KCNT2: variants seen among roughly 807,000 people sequenced by gnomAD.
KCNT2 encodes the protein potassium sodium-activated channel subfamily T member 2, also known as potassium channel subfamily T member 2.
KCNT2 carries 67 observed loss-of-function variants against 153.8 expected under a neutral mutation model. The observed-to-expected ratio is 0.44, with a 90% confidence interval of 0.36 to 0.53. The LOEUF (loss-of-function observed/expected upper bound fraction) is 0.53, where lower values mean the gene tolerates loss of function less well. Ranked by LOEUF, KCNT2 falls within the 20% of genes least tolerant of loss-of-function variation. The pLI, the probability that KCNT2 is intolerant of heterozygous loss-of-function variation, is 0.00. For missense variants in KCNT2, 975 were observed against 1,354.8 expected (o/e 0.72, Z 4.40); for synonymous variants, 500 against 458.8 (o/e 1.09, Z -1.15).
intron 17 of KCNT2, 91 bp from the exon 18 acceptor site, chr1:196,331,352 A>G (rs1664440897): frequency 2.7e-6 from 2 of 753,860 alleles, no homozygotes; most frequent in Non-Finnish European, 4.8e-6. Flanking sequence ...TAATAACATT[A>G]TAATCAATAC....
chr1:196,390,960 T>G (rs1670440048), intron 13 of KCNT2, among the ~76,000 whole-genome samples: 1 of 149,926 alleles, frequency 6.7e-6, no homozygotes. Context: ...CAATTACTTC[T>G]GGGATAGGGA....
intron 22 of KCNT2, among the ~76,000 whole-genome samples, chr1:196,299,501 T>A (rs909649989): frequency 2.6e-5 from 4 of 152,100 alleles, no homozygotes; most frequent in Non-Finnish European, 5.9e-5. Context: ...ATGCTCAACA[T>A]TACTAATCAT....
rs1318859712 is a variant in KCNT2, at chr1:196,342,180, G to A, written c.1452C>T (p.Cys484=). ...CAATGTGGTAGACTTCATTCCCGGA[G>A]CATCTACCGTACATCTTCTGCCATT... ...PEQWQKMYGR[C]SGNEVYHIVL... The change falls in exon 15 of 28, where the codon TGC becomes TGT. Residue 484 remains cysteine, a synonymous_variant. Coordinates refer to ENST00000294725, the MANE Select transcript of KCNT2 (RefSeq NM_198503.5). 3 of 1,611,438 alleles carry A rather than the reference G, an allele frequency of 1.9e-6. No homozygotes were observed. The highest frequency in any genetic ancestry group is 2.5e-6 in the Non-Finnish European group (3 of 1,179,000).
chr1:196,401,824 T>C (rs1484480412), intron 12 of KCNT2, among the ~76,000 whole-genome samples: 1 of 151,642 alleles, frequency 6.6e-6, no homozygotes, highest in East Asian at 1.9e-4. Context: ...CATACACTTA[T>C]AAGTTCAAGA....
At chr1:196,254,334 A>G (rs567083773) in intron 26 of KCNT2, among the ~76,000 whole-genome samples, 4 of 151,550 alleles carry the variant, frequency 2.6e-5, no homozygotes, top group South Asian at 4.1e-4. Context: ...ATACACACAC[A>G]CTCATTTATA....
intron 1 of KCNT2, among the ~76,000 whole-genome samples, chr1:196,506,585 C>T (rs1466610350): frequency 6.6e-6 from 1 of 152,142 alleles, no homozygotes; most frequent in Non-Finnish European, 1.5e-5. Context: ...AGACTTGCTT[C>T]AAAGCCCTCA....
At chr1:196,601,047 C>T (rs1452409191) in intron 1 of KCNT2, among the ~76,000 whole-genome samples, 1 of 152,192 alleles carries the variant, frequency 6.6e-6, no homozygotes, top group Non-Finnish European at 1.5e-5. Context: ...ACATGTAAAG[C>T]CTAGTTTGGT....
At chr1:196,510,584 T>C (rs769196937) in intron 1 of KCNT2, among the ~76,000 whole-genome samples, 2 of 152,180 alleles carry the variant, frequency 1.3e-5, no homozygotes, top group Non-Finnish European at 2.9e-5. Flanking sequence ...CAAGAAACAA[T>C]GGTTAACAAT....
At chr1:196,437,281 AAATATATAT>A (rs1674791131) in intron 8 of KCNT2, among the ~76,000 whole-genome samples, 1 of 79,418 alleles carries the variant, frequency 1.3e-5, no homozygotes, top group African/African-American at 3.3e-5. Context: ...TATATATATA[AAATATATAT>A]AATATATATA....
rs543528394 is a variant in KCNT2 at position 196,476,449 on chromosome 1, A to G, written c.384+2730T>C. On this transcript the variant is annotated intron_variant, in intron 5 of 27. Transcript: ENST00000294725. ...GTCAATCAGGACATATTTATAGTGC[A>G]CCTATTTTGACAAGGAGATATACTA... 1.1e-4 allele frequency among the ~76,000 whole-genome samples: 17 copies of G among 152,226 alleles called. No homozygotes were observed. In the East Asian group the frequency reaches 3.3e-3, roughly 29 times the overall value.
At chr1:196,388,383 A>G (rs903692795) in intron 13 of KCNT2, among the ~76,000 whole-genome samples, 3 of 151,720 alleles carry the variant, frequency 2.0e-5, no homozygotes, top group African/African-American at 7.2e-5. Context: ...TGTTATGACT[A>G]TTATCTTTAC....
At chr1:196,355,055 T>TA (rs1290832082) in intron 14 of KCNT2, among the ~76,000 whole-genome samples, 1 of 151,630 alleles carries the variant, frequency 6.6e-6, no homozygotes, top group Non-Finnish European at 1.5e-5. Context: ...GTATGTGGGG[T>TA]ACACAGAAGC....
intron 8 of KCNT2, among the ~76,000 whole-genome samples, chr1:196,443,879 A>G (rs1290309616): frequency 6.6e-6 from 1 of 151,592 alleles, no homozygotes; most frequent in Non-Finnish European, 1.5e-5. Context: ...CTGATTAGCC[A>G]TCCCTAGACA....
At chr1:196,395,269 C>A (rs1670835749) in intron 13 of KCNT2, among the ~76,000 whole-genome samples, 1 of 151,434 alleles carries the variant, frequency 6.6e-6, no homozygotes, top group South Asian at 2.1e-4. Context: ...CTATGTTATT[C>A]CCGTTAAATG....
chr1:196,405,185 G>T (rs1191614467), intron 12 of KCNT2, among the ~76,000 whole-genome samples: 1 of 151,008 alleles, frequency 6.6e-6, no homozygotes, highest in Non-Finnish European at 1.5e-5. Flanking sequence ...TCTAAAAGCA[G>T]AAGATTGATT....
At chr1:196,598,134 T>C (rs139594704) in intron 1 of KCNT2, among the ~76,000 whole-genome samples, 3 of 152,308 alleles carry the variant, frequency 2.0e-5, no homozygotes, top group East Asian at 1.9e-4. Context: ...GTCCAAAGCA[T>C]TCAAAATGGA....
At chr1:196,469,339 G>C (rs1677885646) in intron 5 of KCNT2, among the ~76,000 whole-genome samples, 1 of 152,060 alleles carries the variant, frequency 6.6e-6, no homozygotes, top group Admixed American at 6.6e-5. Context: ...ATATGTCATG[G>C]AAGAAAAGTA....
intron 26 of KCNT2, among the ~76,000 whole-genome samples, chr1:196,248,387 T>A (rs1655643652): frequency 6.6e-6 from 1 of 151,388 alleles, no homozygotes; most frequent in Non-Finnish European, 1.5e-5. Flanking sequence ...TAAACAAAAT[T>A]GACAAACTTT....
chr1:196,451,434 G>GTTTTTTT (rs1557952237), intron 8 of KCNT2, among the ~76,000 whole-genome samples: 1 of 103,818 alleles, frequency 9.6e-6, no homozygotes, highest in African/African-American at 3.6e-5. Flanking sequence ...TTTTTTTTTG[G>GTTTTTTT]ATTTTAGTAG....
Sources: gnomAD v4.1 joint callset for allele counts (sites outside exome capture counted in the v4.1 genomes callset) on GRCh38, gnomAD v4.1.1 for gene constraint, MANE v1.5 for transcripts, NCBI Gene and HGNC (gene_info 2026-07-23, HGNC 2026-07-21) for gene names.